STK39: variants seen among roughly 807,000 people sequenced by gnomAD.
STK39 encodes STE20/SPS1-related proline-alanine-rich protein kinase.
Under a neutral mutation model 77.8 loss-of-function variants are expected in STK39, and 20 were observed. That is an observed-to-expected ratio of 0.26 (90% CI 0.18 to 0.37). The LOEUF is 0.37. Ranked by LOEUF, STK39 falls within the 10% of genes least tolerant of loss-of-function variation. The pLI is 1.00. For missense variants in STK39, 479 were observed against 656.5 expected (o/e 0.73, Z 2.95); for synonymous variants, 246 against 234.1 (o/e 1.05, Z -0.47).
chr2:168,094,674 CT>C (rs2105439672), intron 10 of STK39, among the ~76,000 whole-genome samples: 1 of 152,264 alleles, frequency 6.6e-6, no homozygotes, highest in African/African-American at 2.4e-5. Context: ...TCATAGTTCT[CT>C]GCATCCTCCA....
chr2:168,039,884 G>A (rs1685059287), intron 14 of STK39, among the ~76,000 whole-genome samples: 2 of 152,158 alleles, frequency 1.3e-5, no homozygotes, highest in South Asian at 4.1e-4. Flanking sequence ...CACCACCCAG[G>A]AATTTATTTT....
At chr2:168,151,609 C>T (rs1045246459) in intron 5 of STK39, among the ~76,000 whole-genome samples, 1 of 151,804 alleles carries the variant, frequency 6.6e-6, no homozygotes, top group Admixed American at 6.6e-5. Flanking sequence ...GGTGGTGGCA[C>T]GTGCCTATAG....
intron 1 of STK39, among the ~76,000 whole-genome samples, chr2:168,215,218 C>CA (rs1039930364): frequency 2.0e-5 from 3 of 152,098 alleles, no homozygotes; most frequent in African/African-American, 7.2e-5. Flanking sequence ...TCCCACAAAC[C>CA]ACTGGCATTA....
intron 1 of STK39, among the ~76,000 whole-genome samples, chr2:168,220,258 A>G (rs2105716322): frequency 6.6e-6 from 1 of 152,222 alleles, no homozygotes; most frequent in Non-Finnish European, 1.5e-5. Context: ...CAAATGCCCA[A>G]CAAAGCTGAG....
intron 1 of STK39, among the ~76,000 whole-genome samples, chr2:168,189,355 C>A (rs1689282177): frequency 6.6e-6 from 1 of 151,138 alleles, no homozygotes. Flanking sequence ...GGAATCAAAC[C>A]AGAACAAATG....
intron 10 of STK39, among the ~76,000 whole-genome samples, chr2:168,116,558 T>C (rs1349162167): frequency 6.6e-6 from 1 of 152,176 alleles, no homozygotes; most frequent in East Asian, 1.9e-4. Context: ...GAATCTTTGT[T>C]AAGTCAATCA....
intron 14 of STK39, among the ~76,000 whole-genome samples, chr2:168,052,182 C>T (rs919032148): frequency 1.3e-5 from 2 of 152,066 alleles, no homozygotes; most frequent in South Asian, 2.1e-4. Context: ...GGAATGCTCG[C>T]GCAAGGCCCT....
chr2:167,979,235 T>G (rs1055749361), intron 16 of STK39, among the ~76,000 whole-genome samples: 4 of 152,204 alleles, frequency 2.6e-5, no homozygotes, highest in African/African-American at 7.2e-5. Flanking sequence ...TATTTTTAAT[T>G]TTTTAAAAAC....
In STK39 at chr2:168,133,082, T is replaced by G. The variant is rs1009273390; in HGVS notation, c.975-3324A>C. Among the ~76,000 whole-genome samples, 5 of 152,188 alleles carry G rather than the reference T, an allele frequency of 3.3e-5. No individual in the cohort carries two copies. The South Asian group carries it at 1.0e-3, about 32-fold the overall frequency. ...TGCCAACGTAAGGAGGCAAAGTGCC[T>G]CCCTGTCTCCTCTGCACCATCCCCC... On this transcript the variant is annotated intron_variant, in intron 8 of 17. Transcript: ENST00000355999.
chr2:168,236,301 TG>T (rs1201186113), intron 1 of STK39, among the ~76,000 whole-genome samples: 3 of 152,182 alleles, frequency 2.0e-5, no homozygotes, highest in Non-Finnish European at 4.4e-5. Context: ...TTGATGGGGT[TG>T]TTTTTTTCTT....
At chr2:168,171,447 C>CA (rs1688821308) in intron 2 of STK39, among the ~76,000 whole-genome samples, 1 of 145,176 alleles carries the variant, frequency 6.9e-6, no homozygotes, top group African/African-American at 2.6e-5. Context: ...CCCCTTCCCC[C>CA]AAAAAATAAC....
At chr2:168,152,504 G>A (rs190457847) in intron 5 of STK39, among the ~76,000 whole-genome samples, 29 of 152,314 alleles carry the variant, frequency 1.9e-4, no homozygotes, top group East Asian at 1.4e-3. Flanking sequence ...CTCCTCAACC[G>A]TCAAAAGGCA....
At chr2:168,170,441 G>C (rs1688795244) in intron 2 of STK39, among the ~76,000 whole-genome samples, 1 of 152,188 alleles carries the variant, frequency 6.6e-6, no homozygotes, top group Non-Finnish European at 1.5e-5. Context: ...CTCTTAATTA[G>C]GTCACAACCC....
chr2:168,193,252 C>T lies in STK39; in HGVS notation c.209-11162G>A, dbSNP rs1008282639. On this transcript the variant is annotated intron_variant, in intron 1 of 17. Transcript: ENST00000355999. ...CTGAGGCCCTCCCCTAAGTTACAAC[C>T]GCAATACAGGAAGTCAGGTCACCCT... 5.3e-5 allele frequency among the ~76,000 whole-genome samples: 8 copies of T among 152,286 alleles called. No homozygotes were observed. In the East Asian group the frequency reaches 5.8e-4, roughly 11 times the overall value.
At chr2:167,997,241 T>C (rs1306250664) in intron 16 of STK39, among the ~76,000 whole-genome samples, 1 of 151,932 alleles carries the variant, frequency 6.6e-6, no homozygotes, top group Non-Finnish European at 1.5e-5. Flanking sequence ...CATTCTTCCC[T>C]ACGTGCAATT....
At chr2:168,172,876 T>G (rs1688863121) in intron 2 of STK39, among the ~76,000 whole-genome samples, 1 of 152,170 alleles carries the variant, frequency 6.6e-6, no homozygotes. Context: ...GCTTCTAACT[T>G]TATTCTAAAG....
At chr2:167,958,573 T>C (rs1268073122) in intron 17 of STK39, among the ~76,000 whole-genome samples, 2 of 152,208 alleles carry the variant, frequency 1.3e-5, no homozygotes, top group African/African-American at 4.8e-5. Flanking sequence ...TGGATTCTCA[T>C]ACCTACTTCT....
intron 1 of STK39, among the ~76,000 whole-genome samples, chr2:168,201,282 A>G (rs189436676): frequency 6.6e-6 from 1 of 152,236 alleles, no homozygotes; most frequent in Non-Finnish European, 1.5e-5. Flanking sequence ...AGGCCAAACC[A>G]TAGCTGGCAG....
chr2:168,137,989 T>C (rs1444932537), intron 8 of STK39, 99 bp downstream of exon 8: 3 of 1,459,746 alleles, frequency 2.1e-6, no homozygotes, highest in Middle Eastern at 1.8e-4. Flanking sequence ...AGACAAGAAA[T>C]ACCTTTCCAG....
Sources: allele counts gnomAD v4.1 joint callset (sites outside exome capture counted in the v4.1 genomes callset), GRCh38; gene constraint gnomAD v4.1.1; transcripts MANE v1.5; gene names NCBI Gene and HGNC (gene_info 2026-07-23, HGNC 2026-07-21).